The following RRAS2 variants were observed in gnomAD, a reference collection of about 807,000 sequenced individuals.
The protein encoded by RRAS2 is ras-related protein R-Ras2.
Under a neutral mutation model 27.6 loss-of-function variants are expected in RRAS2, and 7 were observed. That is an observed-to-expected ratio of 0.25 (90% CI 0.14 to 0.48). RRAS2 has a LOEUF of 0.48. Ranked by LOEUF, RRAS2 falls within the 20% of genes least tolerant of loss-of-function variation. RRAS2 has a pLI of 0.99. For missense variants in RRAS2, 178 were observed against 256.2 expected (o/e 0.69, Z 2.08); for synonymous variants, 86 against 90.9 (o/e 0.95, Z 0.31).
At chr11:14,280,180 A>G (rs1849484024) in intron 5 of RRAS2, among the ~76,000 whole-genome samples, 1 of 152,186 alleles carries the variant, frequency 6.6e-6, no homozygotes, top group African/African-American at 2.4e-5. Flanking sequence ...ATTTTTAAGT[A>G]TACAATTTGA....
chr11:14,335,904 A>G (rs1232614014), intron 1 of RRAS2, among the ~76,000 whole-genome samples: 1 of 152,212 alleles, frequency 6.6e-6, no homozygotes, highest in African/African-American at 2.4e-5. Context: ...TCCCAGCAAG[A>G]CAGAAAACTT....
intron 1 of RRAS2, among the ~76,000 whole-genome samples, chr11:14,349,955 T>C (rs1305109926): frequency 6.6e-6 from 1 of 152,220 alleles, no homozygotes; most frequent in Non-Finnish European, 1.5e-5. Flanking sequence ...AACATTAACA[T>C]GGTTTCAAAA....
At chr11:14,293,014 A>T (rs983305585) in intron 4 of RRAS2, among the ~76,000 whole-genome samples, 20 of 151,122 alleles carry the variant, frequency 1.3e-4, no homozygotes, top group African/African-American at 4.6e-4. Flanking sequence ...AGGCTGAGGC[A>T]GGAGAATGGC....
At chr11:14,298,460 G>A (rs1035171834) in intron 1 of RRAS2, among the ~76,000 whole-genome samples, 3 of 152,150 alleles carry the variant, frequency 2.0e-5, no homozygotes, top group Admixed American at 6.5e-5. Flanking sequence ...CAACTTTGAA[G>A]TCCAGTATAA....
At chr11:14,328,959 C>A (rs539341708) in intron 1 of RRAS2, among the ~76,000 whole-genome samples, 2 of 150,598 alleles carry the variant, frequency 1.3e-5, no homozygotes, top group Admixed American at 6.6e-5. Flanking sequence ...CAACTATGCC[C>A]GGCACATACA....
chr11:14,300,712 G>C (rs930502331), intron 1 of RRAS2, among the ~76,000 whole-genome samples: 1 of 152,078 alleles, frequency 6.6e-6, no homozygotes, highest in African/African-American at 2.4e-5. Flanking sequence ...CAGGAGCTCG[G>C]GCTGGCCTCC....
At chr11:14,322,104 T>C (rs147024951) in intron 1 of RRAS2, among the ~76,000 whole-genome samples, 442 of 152,168 alleles carry the variant, frequency 2.9e-3, no homozygotes, top group Middle Eastern at 0.01. Flanking sequence ...AAGACAAATA[T>C]ACCCAACAAA....
intron 4 of RRAS2, among the ~76,000 whole-genome samples, chr11:14,293,032 C>T (rs1459598834): frequency 6.7e-6 from 1 of 149,890 alleles, no homozygotes; most frequent in African/African-American, 2.5e-5. Flanking sequence ...GGCGTGAACC[C>T]GGGAGGCAGA....
chr11:14,285,648 A>G (rs1029707118), intron 4 of RRAS2, among the ~76,000 whole-genome samples: 6 of 152,106 alleles, frequency 3.9e-5, no homozygotes, highest in Non-Finnish European at 5.9e-5. Context: ...TCGCTTTTAC[A>G]TGTCTGGGAA....
chr11:14,328,482 T>G (rs1263815229), intron 1 of RRAS2, among the ~76,000 whole-genome samples: 1 of 151,284 alleles, frequency 6.6e-6, no homozygotes, highest in African/African-American at 2.4e-5. Flanking sequence ...GCAAGAGCTA[T>G]AGTAAAATTT....
chr11:14,346,158 A>C (rs1255089202), intron 1 of RRAS2, among the ~76,000 whole-genome samples: 1 of 152,200 alleles, frequency 6.6e-6, no homozygotes, highest in Non-Finnish European at 1.5e-5. Context: ...AATTTCATCA[A>C]GGATGGAGAA....
At chr11:14,293,138 T>A (rs1260852251) in intron 4 of RRAS2, among the ~76,000 whole-genome samples, 2 of 122,266 alleles carry the variant, frequency 1.6e-5, no homozygotes, top group Non-Finnish European at 3.3e-5. Flanking sequence ...TATATATATA[T>A]ATATATATAT....
At chr11:14,284,757 G>GTAA (rs1849618892) in intron 4 of RRAS2, among the ~76,000 whole-genome samples, 1 of 151,996 alleles carries the variant, frequency 6.6e-6, no homozygotes, top group South Asian at 2.1e-4. Context: ...TTTATCTCTG[G>GTAA]TAATAGTCTT....
chr11:14,310,537 G>A (rs1184623792), intron 1 of RRAS2, among the ~76,000 whole-genome samples: 1 of 151,962 alleles, frequency 6.6e-6, no homozygotes, highest in African/African-American at 2.4e-5. Context: ...AAGAAGGAGC[G>A]AAAGATAAGG....
At chr11:14,319,533 T>C (rs1264980335) in intron 1 of RRAS2, among the ~76,000 whole-genome samples, 3 of 151,954 alleles carry the variant, frequency 2.0e-5, no homozygotes, top group Non-Finnish European at 2.9e-5. Flanking sequence ...TAATTTTTTG[T>C]ATTTTTAGTA....
intron 1 of RRAS2, among the ~76,000 whole-genome samples, chr11:14,316,807 G>A (rs550473472): frequency 5.9e-4 from 90 of 152,282 alleles, no homozygotes; most frequent in African/African-American, 1.9e-3. Context: ...AAGATATCCC[G>A]AAAATTGTTA....
At chr11:14,287,051 C>T (rs1008864485) in intron 4 of RRAS2, among the ~76,000 whole-genome samples, 6 of 152,178 alleles carry the variant, frequency 3.9e-5, no homozygotes, top group African/African-American at 1.4e-4. Flanking sequence ...TCAAATTCTT[C>T]CTCACTAACC....
chr11:14,324,857 T>C (rs1281775352), intron 1 of RRAS2, among the ~76,000 whole-genome samples: 2 of 152,052 alleles, frequency 1.3e-5, no homozygotes, highest in African/African-American at 4.8e-5. Context: ...TGAATGAAAT[T>C]CGATATATAA....
At position 14,281,732 on chromosome 11, in the gene RRAS2, A is replaced by G. The variant is rs1849541974; in HGVS notation, c.409-12T>C. On this transcript the variant is annotated splice_polypyrimidine_tract_variant and intron_variant, in intron 4 of 5. Coordinates refer to ENST00000256196, the MANE Select transcript of RRAS2 (RefSeq NM_012250.6). ...TCTTCCTGTGTTACCTGAAATTCCA[A>G]CAGTTATGTTTATGGTACATTATTA... 6.3e-7 allele frequency: 1 copy of G among 1,581,922 alleles called. No homozygotes were observed. The highest frequency in any genetic ancestry group is 2.3e-5 in the East Asian group (1 of 43,824).
Sources: allele counts gnomAD v4.1 joint callset (sites outside exome capture counted in the v4.1 genomes callset), GRCh38; gene constraint gnomAD v4.1.1; transcripts MANE v1.5; gene names NCBI Gene and HGNC (gene_info 2026-07-23, HGNC 2026-07-21).